NPC1: variants seen among roughly 807,000 people sequenced by gnomAD.
NPC1 encodes Niemann-Pick C1 protein.
NPC1 carries 85 observed loss-of-function variants against 140.4 expected under a neutral mutation model. The observed-to-expected ratio is 0.61, with a 90% CI of 0.51 to 0.72. NPC1 has a LOEUF of 0.72. Ranked by LOEUF, NPC1 falls within the 30% of genes least tolerant of loss-of-function variation. The probability of loss-of-function intolerance (pLI) is 0.00; values close to 1 mark genes in which losing one functional copy is unlikely to be tolerated. For synonymous variants in NPC1, 656 were observed against 624.8 expected (o/e 1.05, Z -0.74); for missense variants, 1,504 against 1,623.8 (o/e 0.93, Z 1.27).
downstream of NPC1, chr18:23,528,871 C>T (rs1301550716): frequency 1.7e-5 from 4 of 241,938 alleles, no homozygotes; most frequent in African/African-American, 7.0e-5. Context: ...ATAATCTGCA[C>T]GGATCTGAAC....
chr18:23,581,370 C>T (rs114091649), intron 1 of NPC1, among the ~76,000 whole-genome samples: 74 of 152,308 alleles, frequency 4.9e-4, no homozygotes, highest in African/African-American at 1.7e-3. Flanking sequence ...TTCAATTAAG[C>T]TTGCTAAACA....
downstream of NPC1, among the ~76,000 whole-genome samples, chr18:23,524,941 C>CTTTTTTTTT (rs5823396): frequency 5.8e-5 from 4 of 69,216 alleles, no homozygotes; most frequent in Non-Finnish European, 7.6e-5. Context: ...TTAGAGAAAT[C>CTTTTTTTTT]TTTTTTTTTT....
intron 3 of NPC1, chr18:23,506,845 A>G: frequency 4.3e-6 from 3 of 700,274 alleles, no homozygotes; most frequent in Non-Finnish European, 7.5e-6. Flanking sequence ...CTTCCGAAAC[A>G]TAATTTTAAT....
At chr18:23,527,588 G>GT (rs2058341471), downstream of NPC1, among the ~76,000 whole-genome samples, 5 of 97,222 alleles carry the variant, frequency 5.1e-5, no homozygotes, top group East Asian at 1.7e-3. Context: ...GCCTGCTATA[G>GT]CTTTTTTTTT....
intron 7 of NPC1, 191 bp from the exon 8 acceptor site, chr18:23,556,804 C>G (rs1195359396): frequency 1.5e-5 from 13 of 845,224 alleles, no homozygotes; most frequent in Non-Finnish European, 2.3e-5. Flanking sequence ...TCAATGAGCG[C>G]TATTCCCACC....
intron 3 of NPC1, among the ~76,000 whole-genome samples, chr18:23,514,030 T>C (rs989870024): frequency 6.6e-6 from 1 of 152,238 alleles, no homozygotes; most frequent in Admixed American, 6.5e-5. Flanking sequence ...TTTTCATCTG[T>C]TCCAGCTTCC....
downstream of NPC1, among the ~76,000 whole-genome samples, chr18:23,522,005 G>T (rs763412048): frequency 2.0e-5 from 3 of 152,188 alleles, no homozygotes; most frequent in South Asian, 6.2e-4. Flanking sequence ...TTCTTTGTCC[G>T]ATGGCATTGG....
intron 10 of NPC1, among the ~76,000 whole-genome samples, chr18:23,548,917 G>A (rs2058827994): frequency 6.6e-6 from 1 of 151,738 alleles, no homozygotes; most frequent in African/African-American, 2.4e-5. Flanking sequence ...CAGCCTCCCA[G>A]TAGCTGGGAC....
chr18:23,556,331 G>C lies in NPC1; in HGVS notation c.1238C>G (p.Pro413Arg). Residue 413 changes from proline (P) to arginine (R), a missense_variant, in exon 8 of 25, where the codon CCT becomes CGT. Physicochemically the swap from Pro to Arg is moderately radical, Grantham distance 103. Transcript: ENST00000269228. Reference protein sequence around the residue: ...FRTEQLIIRAPLTDKHIYQPY... With the variant: ...FRTEQLIIRARLTDKHIYQPY... ...CTGGTAAATGTGTTTGTCAGTGAGA[G>C]GGGCCCGGATGATGAGCTGCTCCGT... The C allele has an allele frequency of 1.2e-6, 2 of 1,614,092 alleles. No individual in the cohort carries two copies. The highest frequency in any genetic ancestry group is 1.7e-6 in the Non-Finnish European group (2 of 1,179,998).
intron 14 of NPC1, among the ~76,000 whole-genome samples, chr18:23,542,254 TTC>T (rs1239658358): frequency 2.7e-5 from 4 of 150,472 alleles, no homozygotes; most frequent in Non-Finnish European, 5.9e-5. Flanking sequence ...AGAAAGTTTT[TTC>T]TTTTTTTTTT....
chr18:23,553,540 G>A (rs2058904746), intron 9 of NPC1, among the ~76,000 whole-genome samples: 1 of 152,184 alleles, frequency 6.6e-6, no homozygotes, highest in Non-Finnish European at 1.5e-5. Context: ...CCAGAAGTGA[G>A]AGTCCTTAGC....
At chr18:23,559,874 C>T (rs2059012654) in intron 6 of NPC1, among the ~76,000 whole-genome samples, 1 of 152,016 alleles carries the variant, frequency 6.6e-6, no homozygotes, top group South Asian at 2.1e-4. Flanking sequence ...AGGGGAATTG[C>T]TTAAACCTGG....
In NPC1 at chr18:23,535,849, GC is replaced by G. The variant is rs1479136400; in HGVS notation, c.3246-150del. 3 of 695,754 alleles carry G rather than the reference GC, an allele frequency of 4.3e-6. No homozygotes were observed. In the Admixed American group the frequency reaches 6.1e-5, roughly 14 times the overall value. The allele number at this position is 695,754 out of a possible 1,614,324, so 43.1% of individuals were successfully genotyped here. On this transcript the variant is annotated intron_variant, in intron 21 of 24. Transcript: ENST00000269228. ...TGGCTGTCTACAAGACTCACCGAAA[GC>G]AACTCACTTGACCTCTCATGGCCAC... is the stretch of plus-strand genomic sequence containing the variant.
intron 1 of NPC1, among the ~76,000 whole-genome samples, chr18:23,573,971 T>G (rs1396242301): frequency 6.6e-6 from 1 of 152,198 alleles, no homozygotes; most frequent in African/African-American, 2.4e-5. Flanking sequence ...TTTCCATATG[T>G]ATTTAGGTTA....
At chr18:23,507,992 G>C in intron 3 of NPC1, 1 of 1,610,414 alleles carries the variant, frequency 6.2e-7, no homozygotes, top group Non-Finnish European at 8.5e-7. Context: ...CAGGATTTTT[G>C]TAATTTTATC....
At chr18:23,568,077 G>A (rs1202953509) in intron 4 of NPC1, among the ~76,000 whole-genome samples, 1 of 151,688 alleles carries the variant, frequency 6.6e-6, no homozygotes. Flanking sequence ...TTTATTTTCT[G>A]TAAAAATTAA....
chr18:23,519,655 T>G (rs773317969), downstream of NPC1, among the ~76,000 whole-genome samples: 10 of 152,240 alleles, frequency 6.6e-5, no homozygotes, highest in Non-Finnish European at 7.3e-5. Flanking sequence ...GTCAGTTGAT[T>G]AAAGATAATT....
intron 20 of NPC1, 112 bp downstream of exon 20, chr18:23,538,429 TG>T: frequency 2.3e-6 from 3 of 1,293,560 alleles, no homozygotes; most frequent in Non-Finnish European, 2.2e-6. Context: ...CAGGACAGGG[TG>T]GGGCGGAGAA....
intron 20 of NPC1, among the ~76,000 whole-genome samples, chr18:23,537,226 C>G (rs994255489): frequency 6.6e-6 from 1 of 152,184 alleles, no homozygotes; most frequent in African/African-American, 2.4e-5. Flanking sequence ...CCTGCCACCA[C>G]GCTCAACTAA....
Sources: gnomAD v4.1 joint callset for allele counts (sites outside exome capture counted in the v4.1 genomes callset) on GRCh38, gnomAD v4.1.1 for gene constraint, MANE v1.5 for transcripts, NCBI Gene and HGNC (gene_info 2026-07-23, HGNC 2026-07-21) for gene names.